ATP2B2: variants seen among roughly 807,000 people sequenced by gnomAD.
The protein encoded by ATP2B2 is plasma membrane calcium-transporting ATPase 2.
In ATP2B2, 15 loss-of-function variants were observed where a neutral mutation model predicts 120.0. That is an observed-to-expected ratio of 0.12 (90% CI 0.08 to 0.19). ATP2B2 has a LOEUF of 0.19. ATP2B2 is among the 10% of genes least tolerant of loss of function. The probability of loss-of-function intolerance (pLI) is 1.00; values close to 1 mark genes in which losing one functional copy is unlikely to be tolerated. For missense variants in ATP2B2, 1,045 were observed against 1,719.8 expected (o/e 0.61, Z 6.94); for synonymous variants, 694 against 700.3 (o/e 0.99, Z 0.14).
chr3:10,420,772 T>C lies in ATP2B2; in HGVS notation c.200-9957A>G, dbSNP rs373667561. ...GCACATGGGAAGGCCTTGACTAATATTAGCTGCTATTGTTGTTGCTATCAC... is the reference window on the plus strand; with the variant it reads ...GCACATGGGAAGGCCTTGACTAATACTAGCTGCTATTGTTGTTGCTATCAC... On this transcript the variant is annotated intron_variant, in intron 2 of 22. Coordinates refer to ENST00000360273, the MANE Select transcript of ATP2B2 (RefSeq NM_001001331.4). 2.0e-4 allele frequency among the ~76,000 whole-genome samples: 31 copies of C among 152,366 alleles called. No homozygotes were observed. In the South Asian group the frequency reaches 6.2e-3, roughly 31 times the overall value.
intron 3 of ATP2B2, among the ~76,000 whole-genome samples, chr3:10,512,464 G>GTGCGCGCACACA (rs1228807155): frequency 7.3e-6 from 1 of 136,926 alleles, no homozygotes; most frequent in African/African-American, 2.9e-5. Flanking sequence ...AAGTGTGTGC[G>GTGCGCGCACACA]CACACACACA....
intron 2 of ATP2B2, among the ~76,000 whole-genome samples, chr3:10,568,904 C>T (rs1480318899): frequency 1.3e-5 from 2 of 152,224 alleles, no homozygotes; most frequent in Non-Finnish European, 2.9e-5. Context: ...TAAAACCCTA[C>T]CAGCCGACAG....
At chr3:10,689,523 A>G (rs193124353) in intron 1 of ATP2B2, among the ~76,000 whole-genome samples, 14 of 152,326 alleles carry the variant, frequency 9.2e-5, no homozygotes, top group African/African-American at 3.1e-4. Context: ...ATTGCCAGAT[A>G]CCAACATTAA....
intron 2 of ATP2B2, among the ~76,000 whole-genome samples, chr3:10,583,525 A>G (rs1337532157): frequency 2.0e-5 from 3 of 152,118 alleles, no homozygotes; most frequent in Non-Finnish European, 2.9e-5. Context: ...GAGTGCTGGG[A>G]TCTTAGGATC....
intron 1 of ATP2B2, among the ~76,000 whole-genome samples, chr3:10,457,738 G>A (rs866960891): frequency 1.3e-5 from 2 of 152,096 alleles, no homozygotes. Flanking sequence ...AACTGAAAAT[G>A]AATACCTCAG....
intron 1 of ATP2B2, among the ~76,000 whole-genome samples, chr3:10,642,386 A>C (rs1352359432): frequency 6.6e-6 from 1 of 152,182 alleles, no homozygotes. Flanking sequence ...GGGGCTAGGC[A>C]CTGTATTGGG....
intron 2 of ATP2B2, chr3:10,566,529 C>T (rs1017610473): frequency 2.6e-5 from 4 of 152,158 alleles, no homozygotes; most frequent in Admixed American, 6.5e-5. Context: ...ATGTGCTTTT[C>T]CAGTGTGACT....
At chr3:10,678,520 G>A (rs1459811013) in intron 1 of ATP2B2, among the ~76,000 whole-genome samples, 1 of 152,176 alleles carries the variant, frequency 6.6e-6, no homozygotes, top group Admixed American at 6.5e-5. Flanking sequence ...TGGGGGCCCA[G>A]GTCTAACCAA....
chr3:10,371,663 C>A (rs904054966), intron 12 of ATP2B2, 146 bp downstream of exon 12: 3 of 1,247,206 alleles, frequency 2.4e-6, no homozygotes, highest in African/African-American at 3.0e-5. Context: ...TTAACTCAAA[C>A]AGAAACATGT....
intron 1 of ATP2B2, among the ~76,000 whole-genome samples, chr3:10,687,667 C>T (rs569986898): frequency 1.4e-4 from 21 of 152,228 alleles, no homozygotes; most frequent in African/African-American, 4.8e-4. Context: ...TCAGGACCAG[C>T]CTGGCCAAGA....
upstream of ATP2B2, chr3:10,505,765 C>G (rs2125423229): frequency 3.9e-5 from 1 of 25,436 alleles, no homozygotes; most frequent in South Asian, 1.3e-3. Flanking sequence ...AGGGCCGGTT[C>G]TGGAGGGGGC....
At chr3:10,499,931 CTTTTT>C (rs57211710) in intron 1 of ATP2B2, among the ~76,000 whole-genome samples, 3 of 117,604 alleles carry the variant, frequency 2.6e-5, no homozygotes, top group South Asian at 2.7e-4. Context: ...TGGGCACATT[CTTTTT>C]TTTTTTTTTT....
At chr3:10,703,227 A>C (rs1300549992) in intron 1 of ATP2B2, among the ~76,000 whole-genome samples, 1 of 152,150 alleles carries the variant, frequency 6.6e-6, no homozygotes, top group Non-Finnish European at 1.5e-5. Context: ...ACATGGGAAG[A>C]GGGATGGGCT....
chr3:10,533,451 C>T (rs1322229536), intron 3 of ATP2B2, among the ~76,000 whole-genome samples: 3 of 152,222 alleles, frequency 2.0e-5, no homozygotes, highest in African/African-American at 7.2e-5. Flanking sequence ...CTCAGAGGGG[C>T]TGTCCCAGTT....
At chr3:10,570,006 A>G (rs2125542968) in intron 2 of ATP2B2, 1 of 152,272 alleles carries the variant, frequency 6.6e-6, no homozygotes, top group East Asian at 1.9e-4. Flanking sequence ...AATATTTAAA[A>G]TCCAGCCCGG....
At chr3:10,627,881 G>A (rs1391917005) in intron 1 of ATP2B2, among the ~76,000 whole-genome samples, 1 of 152,126 alleles carries the variant, frequency 6.6e-6, no homozygotes, top group Non-Finnish European at 1.5e-5. Flanking sequence ...GATAGGTTCT[G>A]TAAAAAAGGT....
intron 19 of ATP2B2, among the ~76,000 whole-genome samples, chr3:10,341,309 T>C (rs2060269076): frequency 6.6e-6 from 1 of 152,076 alleles, no homozygotes; most frequent in Non-Finnish European, 1.5e-5. Context: ...GTATCCTTTT[T>C]GTTTTGTTTT....
rs116133292 is a variant in ATP2B2, at chr3:10,387,079, T to A, written c.908-567A>T. Among the ~76,000 whole-genome samples, 959 of 152,308 alleles carry A rather than the reference T, an allele frequency of 6.3e-3. 9 individuals are homozygous for A. The highest frequency in any genetic ancestry group is 9.9e-3 in the Non-Finnish European group (672 of 68,018). On this transcript the variant is annotated intron_variant, in intron 6 of 22. Transcript: ENST00000360273. ...TACCTGCTTAGATCTGCCTAACTGC[T>A]ATCATTGTGGAATAGGGCTCAGCCA...
chr3:10,615,703 A>G (rs1462701816), intron 2 of ATP2B2, among the ~76,000 whole-genome samples: 1 of 152,210 alleles, frequency 6.6e-6, no homozygotes, highest in Admixed American at 6.5e-5. Context: ...TCCACCACTG[A>G]TTTTATAAAT....
Sources: allele counts gnomAD v4.1 joint callset (sites outside exome capture counted in the v4.1 genomes callset), GRCh38; gene constraint gnomAD v4.1.1; transcripts MANE v1.5; gene names NCBI Gene and HGNC (gene_info 2026-07-23, HGNC 2026-07-21).